The following MGMT variants were observed in gnomAD, a reference collection of about 807,000 sequenced individuals.
MGMT encodes methylated-DNA--protein-cysteine methyltransferase.
MGMT carries 14 observed loss-of-function variants against 15.9 expected under a neutral mutation model. The ratio of observed to expected loss-of-function variants is 0.88; its 90% CI spans 0.58 to 1.37. MGMT has a LOEUF of 1.37. MGMT is among the 40% of genes most tolerant of loss of function. The probability of loss-of-function intolerance (pLI) is 0.00; values close to 1 mark genes in which losing one functional copy is unlikely to be tolerated. For missense variants in MGMT, 282 were observed against 268.1 expected (o/e 1.05, Z -0.36); for synonymous variants, 130 against 118.2 (o/e 1.10, Z -0.65).
intron 4 of MGMT, among the ~76,000 whole-genome samples, chr10:129,765,415 G>T (rs1848922501): frequency 2.6e-5 from 4 of 152,186 alleles, no homozygotes; most frequent in Admixed American, 2.6e-4. Flanking sequence ...AGGCTGTGTG[G>T]CCATCCCTGT....
Position 129,721,401 on chromosome 10 carries a change from C to T in MGMT, c.274+13358C>T, listed in dbSNP as rs1302095022. 2.0e-5 allele frequency among the ~76,000 whole-genome samples: 3 copies of T among 152,190 alleles called. No homozygotes were observed. The East Asian group carries it at 5.8e-4, about 29-fold the overall frequency. On this transcript the variant is annotated intron_variant, in intron 3 of 4. Transcript: ENST00000651593. ...GTTGCAGATTACAAAGTCATACATG[C>T]ATTTGTAAACCACATGAAACCAGAC...
At chr10:129,570,601 TGA>T (rs1478625841) in intron 2 of MGMT, among the ~76,000 whole-genome samples, 1 of 152,254 alleles carries the variant, frequency 6.6e-6, no homozygotes, top group Non-Finnish European at 1.5e-5. Flanking sequence ...TGCAACATAA[TGA>T]GTTCTGTTTT....
intron 3 of MGMT, among the ~76,000 whole-genome samples, chr10:129,748,963 A>C (rs1848724661): frequency 6.6e-6 from 1 of 152,200 alleles, no homozygotes; most frequent in Admixed American, 6.5e-5. Context: ...ATTTATGTAC[A>C]GTTCCTTTTG....
At chr10:129,607,956 C>T (rs751281659) in intron 2 of MGMT, among the ~76,000 whole-genome samples, 1 of 152,184 alleles carries the variant, frequency 6.6e-6, no homozygotes. Context: ...CAAATCATGA[C>T]TCCCTCAACC....
At chr10:129,664,391 C>T (rs529426908) in intron 2 of MGMT, among the ~76,000 whole-genome samples, 2 of 152,256 alleles carry the variant, frequency 1.3e-5, no homozygotes, top group Non-Finnish European at 2.9e-5. Context: ...GGGAGAACCC[C>T]CTGTGAAGAA....
intron 3 of MGMT, 141 bp from the exon 4 acceptor site, chr10:129,759,061 G>A (rs749432532): frequency 6.0e-5 from 64 of 1,063,546 alleles, no homozygotes; most frequent in Non-Finnish European, 8.3e-5. Flanking sequence ...GGTGGCAGCA[G>A]TGCATGGAGG....
At chr10:129,617,618 CA>C (rs1331602619) in intron 2 of MGMT, among the ~76,000 whole-genome samples, 1 of 152,026 alleles carries the variant, frequency 6.6e-6, no homozygotes, top group Non-Finnish European at 1.5e-5. Flanking sequence ...TAATAAAAAC[CA>C]TTCTGACTAG....
intron 3 of MGMT, among the ~76,000 whole-genome samples, chr10:129,716,407 G>A (rs1450778376): frequency 6.6e-6 from 1 of 152,180 alleles, no homozygotes; most frequent in African/African-American, 2.4e-5. Context: ...AGTCTTCCAC[G>A]TGTGGATGTG....
chr10:129,602,950 A>G (rs924626621), intron 2 of MGMT, among the ~76,000 whole-genome samples: 9 of 152,248 alleles, frequency 5.9e-5, no homozygotes, highest in Admixed American at 1.3e-4. Context: ...TTCCACACAA[A>G]GCAAACAAAG....
At chr10:129,705,278 A>G (rs1443202478) in intron 2 of MGMT, among the ~76,000 whole-genome samples, 4 of 152,218 alleles carry the variant, frequency 2.6e-5, no homozygotes, top group Non-Finnish European at 5.9e-5. Flanking sequence ...TCTTGTTAAA[A>G]TGTGAGTATC....
chr10:129,591,592 C>T (rs888762429), intron 2 of MGMT, among the ~76,000 whole-genome samples: 3 of 152,188 alleles, frequency 2.0e-5, no homozygotes, highest in Non-Finnish European at 2.9e-5. Context: ...TCCACCTACT[C>T]CTCACCACCA....
intron 2 of MGMT, among the ~76,000 whole-genome samples, chr10:129,567,148 C>T (rs560979691): frequency 1.1e-4 from 16 of 152,278 alleles, no homozygotes; most frequent in South Asian, 6.2e-4. Context: ...GTGCTTCTCC[C>T]GCCTGCGGAC....
intron 1 of MGMT, among the ~76,000 whole-genome samples, chr10:129,489,389 G>A (rs1405882012): frequency 7.2e-6 from 1 of 139,646 alleles, no homozygotes; most frequent in Non-Finnish European, 1.5e-5. Context: ...AAAAAAAATT[G>A]GTGAGTAAAT....
chr10:129,578,581 T>TA, intron 2 of MGMT, among the ~76,000 whole-genome samples: 1 of 152,254 alleles, frequency 6.6e-6, no homozygotes, highest in Middle Eastern at 3.4e-3. Context: ...TACCTAATGC[T>TA]AAATGACAAG....
intron 1 of MGMT, among the ~76,000 whole-genome samples, chr10:129,522,305 C>T (rs1304289727): frequency 6.6e-6 from 1 of 152,182 alleles, no homozygotes; most frequent in Non-Finnish European, 1.5e-5. Context: ...GGGCTTACTG[C>T]CTTGGGCCCC....
intron 2 of MGMT, among the ~76,000 whole-genome samples, chr10:129,661,298 C>T (rs558956163): frequency 3.3e-5 from 5 of 151,846 alleles, no homozygotes; most frequent in South Asian, 4.2e-4. Context: ...GTGGGATAGA[C>T]GTCTAGGAGA....
At chr10:129,560,624 T>A (rs1209169943) in intron 2 of MGMT, among the ~76,000 whole-genome samples, 1 of 152,252 alleles carries the variant, frequency 6.6e-6, no homozygotes, top group African/African-American at 2.4e-5. Flanking sequence ...AATCTAGACA[T>A]TTCACATTGA....
At chr10:129,748,215 C>T (rs1848716284) in intron 3 of MGMT, among the ~76,000 whole-genome samples, 1 of 152,132 alleles carries the variant, frequency 6.6e-6, no homozygotes, top group African/African-American at 2.4e-5. Context: ...TTCTCCCTCA[C>T]CTATTTCTGT....
intron 2 of MGMT, among the ~76,000 whole-genome samples, chr10:129,620,083 G>A (rs1166445559): frequency 6.6e-6 from 1 of 152,162 alleles, no homozygotes; most frequent in Non-Finnish European, 1.5e-5. Context: ...CAGAGACATT[G>A]GAGGCCGTTC....
Sources: allele counts gnomAD v4.1 joint callset (sites outside exome capture counted in the v4.1 genomes callset), GRCh38; gene constraint gnomAD v4.1.1; transcripts MANE v1.5; gene names NCBI Gene and HGNC (gene_info 2026-07-23, HGNC 2026-07-21).